Variants in CDYL observed in about 807,000 individuals in gnomAD.
The protein encoded by CDYL is chromodomain Y like.
CDYL carries 8 observed loss-of-function variants against 47.3 expected under a neutral mutation model. The ratio of observed to expected loss-of-function variants is 0.17; its 90% CI spans 0.10 to 0.31. CDYL has a LOEUF of 0.31. Ranked by LOEUF, CDYL falls within the 10% of genes least tolerant of loss-of-function variation. The pLI is 1.00. For synonymous variants in CDYL, 266 were observed against 265.0 expected (o/e 1.00, Z -0.04); for missense variants, 471 against 701.4 (o/e 0.67, Z 3.71).
At chr6:4,939,274 T>G (rs1046765035) in intron 4 of CDYL, among the ~76,000 whole-genome samples, 2 of 152,016 alleles carry the variant, frequency 1.3e-5, no homozygotes, top group African/African-American at 4.8e-5. Context: ...AGGATTGGTG[T>G]GGTGGGTAGG....
At chr6:4,715,494 A>G (rs1757236814) in intron 1 of CDYL, among the ~76,000 whole-genome samples, 1 of 152,206 alleles carries the variant, frequency 6.6e-6, no homozygotes, top group African/African-American at 2.4e-5. Context: ...ACATATTGAC[A>G]TATATTGTGG....
intron 3 of CDYL, among the ~76,000 whole-genome samples, chr6:4,748,675 A>ACACACACT (rs1436736946): frequency 6.6e-6 from 1 of 151,908 alleles, no homozygotes; most frequent in Non-Finnish European, 1.5e-5. Flanking sequence ...ACACACACAC[A>ACACACACT]CACACAAACA....
Position 4,935,591 on chromosome 6 carries a change from C to T in CDYL, c.768C>T (p.Ala256=). 2 of 1,614,140 alleles carry T rather than the reference C, an allele frequency of 1.2e-6. No individual in the cohort carries two copies. Among genetic ancestry groups the T allele is most frequent in the African/African-American group, 1.3e-5 (1 of 75,012 alleles). ...NIQTSVTGVT[A]SKRKFIDDRR... is the part of the protein sequence containing the mutation. ...AGACATCTGTTACAGGAGTGACTGC[C>T]AGCAAAAGGAAATTTATTGACGACA... is the stretch of plus-strand genomic sequence containing the variant. The change falls in exon 3 of 7, where the codon GCC becomes GCT. Residue 256 remains alanine (A), a synonymous_variant. Transcript: ENST00000397588.
chr6:4,823,122 A>G (rs1315185588), intron 1 of CDYL, among the ~76,000 whole-genome samples: 2 of 152,244 alleles, frequency 1.3e-5, no homozygotes, highest in Non-Finnish European at 2.9e-5. Context: ...TGGCTTCCAT[A>G]TATAAACAAG....
intron 3 of CDYL, among the ~76,000 whole-genome samples, chr6:4,738,244 G>T (rs761651194): frequency 6.6e-6 from 1 of 152,048 alleles, no homozygotes; most frequent in Admixed American, 6.6e-5. Context: ...AGGCATGGTG[G>T]TGCACACCTG....
rs182941043 is a variant in CDYL at position 4,935,230 on chromosome 6, C to G, written c.692-285C>G. Among the ~76,000 whole-genome samples the G allele has an allele frequency of 2.3e-3, 345 of 152,218 alleles. 1 individual carries two copies. The highest frequency in any genetic ancestry group is 7.5e-3 in the African/African-American group (311 of 41,548). ...AGACCCATTCTGTCTTGATTCTGTC[C>G]TTTAAAAAAATCTCTAACTATGTAG... is the stretch of plus-strand genomic sequence containing the variant. On this transcript the variant is annotated intron_variant, in intron 2 of 6. Coordinates refer to ENST00000397588, the MANE Select transcript of CDYL (RefSeq NM_004824.4).
intron 2 of CDYL, among the ~76,000 whole-genome samples, chr6:4,720,362 C>T (rs1251884931): frequency 2.0e-5 from 3 of 152,106 alleles, no homozygotes; most frequent in African/African-American, 2.4e-5. Context: ...AGTGCATTTC[C>T]GTTGTGAAAT....
At chr6:4,930,335 C>T (rs1436848139) in intron 2 of CDYL, among the ~76,000 whole-genome samples, 1 of 152,240 alleles carries the variant, frequency 6.6e-6, no homozygotes, top group Non-Finnish European at 1.5e-5. Flanking sequence ...ATCTATGTAG[C>T]TTCCTCCTTT....
At position 4,797,350 on chromosome 6, in the gene CDYL, C is replaced by G. The variant is rs368710659; in HGVS notation, c.24+20543C>G. Among the ~76,000 whole-genome samples, 47 of 152,044 alleles carry G rather than the reference C, an allele frequency of 3.1e-4. 2 individuals are homozygous for G. In the South Asian group the frequency reaches 9.3e-3, roughly 30 times the overall value. ...TCCCGACATTTCATTTGAGAACTTA[C>G]TGTTTTCTTTATTCCTTCTCTTCTA... On this transcript the variant is annotated intron_variant, in intron 1 of 6. Transcript: ENST00000397588.
At chr6:4,901,181 C>G (rs78789753) in intron 2 of CDYL, among the ~76,000 whole-genome samples, 2 of 151,984 alleles carry the variant, frequency 1.3e-5, no homozygotes, top group Non-Finnish European at 2.9e-5. Context: ...GGTCAGATGA[C>G]ATAAAAGGAA....
rs137860041 is a variant in CDYL, at chr6:4,785,296, C to T, written c.24+8489C>T. ...AGAACATATCACTGTAGTTAAGCAA[C>T]GTGTGACCGTATAGTATACTTTCTT... On this transcript the variant is annotated intron_variant, in intron 1 of 6. Coordinates refer to ENST00000397588, the MANE Select transcript of CDYL (RefSeq NM_004824.4). Among the ~76,000 whole-genome samples the T allele has an allele frequency of 4.8e-3, 730 of 152,328 alleles. 3 individuals carry two copies. The highest frequency in any genetic ancestry group is 0.017 in the African/African-American group (697 of 41,556).
At chr6:4,725,098 T>A (rs1757482855) in intron 2 of CDYL, among the ~76,000 whole-genome samples, 2 of 152,200 alleles carry the variant, frequency 1.3e-5, no homozygotes, top group Non-Finnish European at 2.9e-5. Context: ...GAGTGTCGAT[T>A]GCTGCATTCA....
At chr6:4,758,347 AATAAATATAT>A (rs1339866124) in intron 3 of CDYL, among the ~76,000 whole-genome samples, 3 of 48,676 alleles carry the variant, frequency 6.2e-5, no homozygotes, top group African/African-American at 1.3e-4. Flanking sequence ...CTTGAAAATA[AATAAATATAT>A]ATATATATAT....
chr6:4,905,024 C>T (rs998864249), intron 2 of CDYL, among the ~76,000 whole-genome samples: 5 of 152,138 alleles, frequency 3.3e-5, no homozygotes, highest in Middle Eastern at 3.2e-3. Context: ...ATTAGGATGG[C>T]GACCACTGCC....
intron 4 of CDYL, 97 bp downstream of exon 4, chr6:4,937,834 A>T: frequency 1.1e-6 from 1 of 880,090 alleles, no homozygotes; most frequent in Non-Finnish European, 1.8e-6. Flanking sequence ...TGAGAATAAG[A>T]TACACATCTT....
intron 1 of CDYL, among the ~76,000 whole-genome samples, chr6:4,826,020 A>C (rs1043914530): frequency 6.6e-6 from 1 of 152,210 alleles, no homozygotes; most frequent in East Asian, 1.9e-4. Flanking sequence ...AGTGGTTTAA[A>C]TCTCAACTCT....
At chr6:4,803,840 C>A (rs1430249506) in intron 1 of CDYL, among the ~76,000 whole-genome samples, 1 of 150,252 alleles carries the variant, frequency 6.7e-6, no homozygotes, top group Non-Finnish European at 1.5e-5. Flanking sequence ...GATATTTTAT[C>A]CAACTCTATG....
chr6:4,802,775 C>T (rs1331033037), intron 1 of CDYL, among the ~76,000 whole-genome samples: 1 of 136,944 alleles, frequency 7.3e-6, no homozygotes, highest in Admixed American at 7.9e-5. Flanking sequence ...AGTCAGCCAC[C>T]ATCCTTTTTC....
chr6:4,856,618 A>G (rs1240024241), intron 1 of CDYL, among the ~76,000 whole-genome samples: 4 of 152,208 alleles, frequency 2.6e-5, no homozygotes, highest in African/African-American at 9.7e-5. Flanking sequence ...GAGGGATGGC[A>G]GCGGGAAGAG....
Sources: gnomAD v4.1 joint callset for allele counts (sites outside exome capture counted in the v4.1 genomes callset) on GRCh38, gnomAD v4.1.1 for gene constraint, MANE v1.5 for transcripts, NCBI Gene and HGNC (gene_info 2026-07-23, HGNC 2026-07-21) for gene names.